ZNF695: variants seen among roughly 807,000 people sequenced by gnomAD.
ZNF695 encodes the protein zinc finger protein 695.
ZNF695 carries 11 observed loss-of-function variants against 11.2 expected under a neutral mutation model. The ratio of observed to expected loss-of-function variants is 0.98; its 90% CI spans 0.62 to 1.62. The LOEUF is 1.62. ZNF695 is among the 40% of genes most tolerant of loss of function. The pLI, the probability that ZNF695 is intolerant of heterozygous loss-of-function variation, is 0.00. For synonymous variants in ZNF695, 190 were observed against 201.4 expected (o/e 0.94, Z 0.48); for missense variants, 559 against 590.5 (o/e 0.95, Z 0.55).
chr1:246,951,011 T>A (rs1398557982), intron 5 of ZNF695, among the ~76,000 whole-genome samples: 1 of 152,208 alleles, frequency 6.6e-6, no homozygotes, highest in East Asian at 1.9e-4. Flanking sequence ...AACAAAGGTA[T>A]GACTTCATGT....
At chr1:246,997,049 T>A (rs1399404810) in intron 3 of ZNF695, among the ~76,000 whole-genome samples, 1 of 152,190 alleles carries the variant, frequency 6.6e-6, no homozygotes, top group Non-Finnish European at 1.5e-5. Flanking sequence ...ACTGAATATG[T>A]TCATAAAAAT....
chr1:246,974,479 G>T (rs1388012564), intron 4 of ZNF695, among the ~76,000 whole-genome samples: 1 of 152,192 alleles, frequency 6.6e-6, no homozygotes, highest in Admixed American at 6.5e-5. Flanking sequence ...CTAGAGATTT[G>T]TGGACTACCA....
Position 246,986,700 on chromosome 1 carries a change from TAC to T in ZNF695, c.*265_*266del. 8.6e-7 allele frequency: 1 copy of T among 1,168,182 alleles called. No individual in the cohort carries two copies. The highest frequency in any genetic ancestry group is 1.1e-6 in the Non-Finnish European group (1 of 946,466). 72.4% of individuals were successfully genotyped at this position (1,168,182 alleles called of 1,614,324 possible). A position where few individuals can be genotyped will look rare whatever the true frequency, so the allele number is the denominator to read the frequency against. ...CCAATACAAAGTCTTTGAAATTGAATACAGTTTGAGCAACTGGAGGGTTTCCC... is the reference window on the plus strand; with the variant it reads ...CCAATACAAAGTCTTTGAAATTGAATAGTTTGAGCAACTGGAGGGTTTCCC... On this transcript the variant is annotated 3_prime_UTR_variant, in exon 4 of 4. Coordinates refer to ENST00000339986, the MANE Select transcript of ZNF695 (RefSeq NM_020394.5).
At chr1:246,980,788 A>T (rs947811589), downstream of ZNF695, among the ~76,000 whole-genome samples, 1 of 152,188 alleles carries the variant, frequency 6.6e-6, no homozygotes, top group East Asian at 1.9e-4. Flanking sequence ...ACTCATCACA[A>T]CTATCCTGAA....
Position 246,986,547 on chromosome 1 carries a change from G to T in ZNF695, c.*420C>A, listed in dbSNP as rs1391308489. The T allele has an allele frequency of 2.0e-6, 2 of 991,456 alleles. No homozygotes were observed. The highest frequency in any genetic ancestry group is 5.9e-5 in the Admixed American group (1 of 16,972). The allele number at this position is 991,456 out of a possible 1,614,324, so 61.4% of individuals were successfully genotyped here. On this transcript the variant is annotated 3_prime_UTR_variant, in exon 4 of 4. Transcript: ENST00000339986. ...TTGGATGTGTTTTGATGTAATTTTT[G>T]ATTAGACATTTTTTCACATTTACTG...
intron 4 of ZNF695, among the ~76,000 whole-genome samples, chr1:246,973,325 A>G (rs1044974212): frequency 1.3e-5 from 2 of 152,226 alleles, no homozygotes; most frequent in East Asian, 1.9e-4. Flanking sequence ...TTGGGATTAC[A>G]GGCATGAGCC....
intron 4 of ZNF695, among the ~76,000 whole-genome samples, chr1:246,978,326 T>C (rs764620333): frequency 1.3e-5 from 2 of 152,274 alleles, no homozygotes; most frequent in Admixed American, 6.5e-5. Flanking sequence ...TGATTACTTA[T>C]GACTTTGTAA....
intron 5 of ZNF695, among the ~76,000 whole-genome samples, chr1:246,956,639 G>C (rs910410762): frequency 1.3e-5 from 2 of 152,126 alleles, no homozygotes; most frequent in African/African-American, 4.8e-5. Flanking sequence ...AAGATCATGG[G>C]ATAATTGGGG....
intron 4 of ZNF695, among the ~76,000 whole-genome samples, chr1:246,975,725 T>G (rs1180884222): frequency 6.6e-6 from 1 of 151,882 alleles, no homozygotes; most frequent in Non-Finnish European, 1.5e-5. Context: ...CAGTAAGGAG[T>G]AAGCTAAGGT....
intron 4 of ZNF695, among the ~76,000 whole-genome samples, chr1:246,977,403 C>G (rs1402441397): frequency 1.3e-5 from 2 of 152,174 alleles, no homozygotes; most frequent in Middle Eastern, 3.2e-3. Flanking sequence ...ACTACGGGTG[C>G]CCGCCACCAT....
At chr1:246,955,765 C>T (rs1262408047) in intron 5 of ZNF695, among the ~76,000 whole-genome samples, 1 of 152,132 alleles carries the variant, frequency 6.6e-6, no homozygotes, top group East Asian at 1.9e-4. Context: ...AGAATGTAGG[C>T]TCCTAAGAGT....
chr1:246,962,586 G>T (rs1480216132), intron 5 of ZNF695, among the ~76,000 whole-genome samples: 1 of 152,140 alleles, frequency 6.6e-6, no homozygotes, highest in African/African-American at 2.4e-5. Flanking sequence ...CTTCCGTGGG[G>T]CTGGCCTCTT....
chr1:246,949,574 G>C (rs192974695), intron 5 of ZNF695, among the ~76,000 whole-genome samples: 2 of 146,144 alleles, frequency 1.4e-5, no homozygotes, highest in African/African-American at 2.6e-5. Flanking sequence ...CTAGGCGACA[G>C]AGCAAGACCC....
chr1:246,975,084 T>A (rs1383159937), intron 4 of ZNF695, among the ~76,000 whole-genome samples: 1 of 152,212 alleles, frequency 6.6e-6, no homozygotes, highest in Non-Finnish European at 1.5e-5. Context: ...TTTGAAAATA[T>A]CTTAATTAGT....
chr1:246,999,458 A>G lies in ZNF695; in HGVS notation c.167-18T>C. ...AGCAAGACCTGTTTTATTAGAAAAA[A>G]GGTGCATGATTCTTGCAGGGATTCT... On this transcript the variant is annotated intron_variant, in intron 2 of 3. Coordinates refer to ENST00000339986, the MANE Select transcript of ZNF695 (RefSeq NM_020394.5). 9 of 1,598,630 alleles carry G rather than the reference A, an allele frequency of 5.6e-6. No individual in the cohort carries two copies. The highest frequency in any genetic ancestry group is 2.7e-5 in the African/African-American group (2 of 74,726).
intron 2 of ZNF695, 70 bp downstream of exon 2, chr1:246,999,842 G>A (rs565442375): frequency 6.7e-7 from 1 of 1,486,498 alleles, no homozygotes; most frequent in Non-Finnish European, 9.3e-7. Context: ...AAGCAGTGAT[G>A]TGAAACTCAT....
intron 4 of ZNF695, among the ~76,000 whole-genome samples, chr1:246,972,110 C>T (rs1054729555): frequency 2.0e-5 from 3 of 152,218 alleles, no homozygotes; most frequent in African/African-American, 7.2e-5. Flanking sequence ...TGCAGAGAAG[C>T]GCAACCATGC....
At position 246,999,339 on chromosome 1, in the gene ZNF695, C is replaced by T. The variant is rs1274008892; in HGVS notation, c.259+9G>A. ...CCTACCTGTGTTCGCTTCATTCACT[C>T]CCACCTACCTGAGTGTCTGGCTGTC... On this transcript the variant is annotated intron_variant, in intron 3 of 3. Coordinates refer to ENST00000339986, the MANE Select transcript of ZNF695 (RefSeq NM_020394.5). 3 of 1,608,686 alleles carry T rather than the reference C, an allele frequency of 1.9e-6. No homozygotes were observed. The Admixed American group carries it at 5.0e-5, about 27-fold the overall frequency.
intron 5 of ZNF695, among the ~76,000 whole-genome samples, chr1:246,961,548 C>G (rs531872143): frequency 6.6e-6 from 1 of 152,286 alleles, no homozygotes; most frequent in South Asian, 2.1e-4. Flanking sequence ...CAGGAAGGCT[C>G]TGCTTCTCCT....
Sources: allele counts gnomAD v4.1 joint callset (sites outside exome capture counted in the v4.1 genomes callset), GRCh38; gene constraint gnomAD v4.1.1; transcripts MANE v1.5; gene names NCBI Gene and HGNC (gene_info 2026-07-23, HGNC 2026-07-21).